DDX50: variants seen among roughly 807,000 people sequenced by gnomAD.
DDX50 encodes the protein ATP-dependent RNA helicase DDX50.
In DDX50, 56 loss-of-function variants were observed where a neutral mutation model predicts 94.8. The ratio of observed to expected loss-of-function variants is 0.59; its 90% CI spans 0.48 to 0.74. The LOEUF is 0.74. DDX50 is among the 30% of genes least tolerant of loss of function. DDX50 has a pLI of 0.00. For synonymous variants in DDX50, 264 were observed against 295.4 expected, an observed-to-expected ratio of 0.89 and a Z score of 1.09; for missense variants, 713 against 881.2, an observed-to-expected ratio of 0.81 and a Z score of 2.42.
chr10:68,943,379 T>C lies in DDX50; in HGVS notation c.1935+122T>C, dbSNP rs575786559. On this transcript the variant is annotated intron_variant, in intron 14 of 14. Coordinates refer to ENST00000373585, the MANE Select transcript of DDX50 (RefSeq NM_024045.2). ...CCTAAATCAATGAGGAATTCCTTAA[T>C]ATAAAATAACCAGTCTGTCTCAAAC... 3.8e-6 allele frequency: 3 copies of C among 791,206 alleles called. No homozygotes were observed. The African/African-American group carries it at 5.3e-5, about 14-fold the overall frequency. 49.0% of individuals were successfully genotyped at this position (791,206 alleles called of 1,614,324 possible).
At chr10:68,920,639 TTTTC>T (rs1841915609) in intron 8 of DDX50, among the ~76,000 whole-genome samples, 1 of 152,086 alleles carries the variant, frequency 6.6e-6, no homozygotes, top group South Asian at 2.1e-4. Flanking sequence ...CCATGTGTTT[TTTTC>T]TTTCTTAAAA....
At chr10:68,935,192 G>GTCCACCAT (rs5785881) in intron 10 of DDX50, among the ~76,000 whole-genome samples, 1 of 151,922 alleles carries the variant, frequency 6.6e-6, no homozygotes. Flanking sequence ...GTACTTCTTA[G>GTCCACCAT]TGTAAATGGG....
intron 2 of DDX50, among the ~76,000 whole-genome samples, chr10:68,909,254 T>C (rs982903610): frequency 6.6e-6 from 1 of 152,232 alleles, no homozygotes. Context: ...AAATTGTTAG[T>C]GTGTGTTTCT....
chr10:68,934,797 A>G lies in DDX50; in HGVS notation c.1402-2A>G. ...AAAAATATTACCTTTTATAATCTTT[A>G]GGATGTTGAGTCCTATATCCATCGC... On this transcript the variant is annotated splice_acceptor_variant, in intron 9 of 14. Transcript: ENST00000373585. LOFTEE classifies it high-confidence loss of function. This position sits in a 1 kb window ranked among gnomAD's most constrained non-coding sequence, Gnocchi z 4.0. 1 of 1,586,698 alleles carries G rather than the reference A, an allele frequency of 6.3e-7. No homozygotes were observed. The highest frequency in any genetic ancestry group is 8.5e-7 in the Non-Finnish European group (1 of 1,171,454).
intron 10 of DDX50, 129 bp downstream of exon 10, chr10:68,935,047 C>G (rs1310560602): frequency 8.6e-7 from 1 of 1,159,044 alleles, no homozygotes; most frequent in Admixed American, 2.9e-5. Context: ...GGCTGTGAAG[C>G]CTGTGGAGAT....
chr10:68,920,803 G>A (rs781337140), intron 8 of DDX50, among the ~76,000 whole-genome samples: 45 of 151,508 alleles, frequency 3.0e-4, no homozygotes, highest in African/African-American at 6.8e-4. Flanking sequence ...AAAATTAGCC[G>A]GTGTGGTGGT....
intron 8 of DDX50, among the ~76,000 whole-genome samples, chr10:68,923,867 C>A (rs548301376): frequency 1.3e-5 from 2 of 148,570 alleles, no homozygotes; most frequent in East Asian, 4.1e-4. Context: ...TGAGTTCATT[C>A]ACAATGGTAT....
chr10:68,915,058 A>C (rs1841744134), intron 7 of DDX50, among the ~76,000 whole-genome samples: 1 of 149,908 alleles, frequency 6.7e-6, no homozygotes, highest in African/African-American at 2.5e-5. Flanking sequence ...CAGAAGAAGA[A>C]TCCATAAAGG....
Position 68,915,714 on chromosome 10 carries a change from C to CA in DDX50, c.1089+1524dup, listed in dbSNP as rs1206127189. Among the ~76,000 whole-genome samples, 199 of 92,120 alleles carry CA rather than the reference C, an allele frequency of 2.2e-3. 1 individual carries two copies. The highest frequency in any genetic ancestry group is 6.8e-3 in the Middle Eastern group (1 of 146). The allele number at this position is 92,120 out of a possible 152,430, so 60.4% of individuals were successfully genotyped here. Reference sequence around the variant, plus strand: ...CTGGAGACAGAGTGAGACAACATCTCAAAAAAAAAAAAAAGAAAAAAGAAC... The same window carrying CA: ...CTGGAGACAGAGTGAGACAACATCTCAAAAAAAAAAAAAAAGAAAAAAGAAC... On this transcript the variant is annotated intron_variant, in intron 7 of 14. Coordinates refer to ENST00000373585, the MANE Select transcript of DDX50 (RefSeq NM_024045.2).
rs1842592745 is a variant in DDX50 at position 68,943,244 on chromosome 10, C to T, written c.1922C>T (p.Ser641Leu). 1 of 1,607,186 alleles carries T rather than the reference C, an allele frequency of 6.2e-7. No homozygotes were observed. Among genetic ancestry groups the T allele is most frequent in the East Asian group, 2.2e-5 (1 of 44,674 alleles). ...TGCTTTGATGTTCCTACAACTGAGTCAGAAAGGTTACAGGTATTTTTAAAA... is the reference window on the plus strand; with the variant it reads ...TGCTTTGATGTTCCTACAACTGAGTTAGAAAGGTTACAGGTATTTTTAAAA... ...GVCFDVPTTE[S>L]ERLQAEWHDS... Residue 641 changes from serine (S) to leucine (L), a missense_variant, in exon 14 of 15, where the codon TCA becomes TTA. Ser to Leu is a moderately radical substitution (Grantham distance 145). This residue lies in a region of DDX50 where 428 missense variants were observed against 602.3 expected (regional missense o/e 0.71). Transcript: ENST00000373585.
At chr10:68,923,200 A>AAT (rs1347791314) in intron 8 of DDX50, among the ~76,000 whole-genome samples, 1 of 129,400 alleles carries the variant, frequency 7.7e-6, no homozygotes, top group African/African-American at 2.9e-5. Context: ...TTATATATTT[A>AAT]ATATATATAA....
At chr10:68,915,545 G>A (rs1461534702) in intron 7 of DDX50, among the ~76,000 whole-genome samples, 6 of 151,848 alleles carry the variant, frequency 4.0e-5, no homozygotes, top group Admixed American at 1.3e-4. Flanking sequence ...GCGATACCTC[G>A]TCTCTATTAA....
At chr10:68,932,025 G>A (rs553127467) in intron 8 of DDX50, among the ~76,000 whole-genome samples, 5 of 152,262 alleles carry the variant, frequency 3.3e-5, no homozygotes, top group African/African-American at 9.6e-5. Flanking sequence ...AAACAAGACT[G>A]AGTTAGATTT....
intron 7 of DDX50, among the ~76,000 whole-genome samples, chr10:68,915,695 A>G (rs947815488): frequency 6.6e-5 from 10 of 151,462 alleles, no homozygotes; most frequent in African/African-American, 2.2e-4. Context: ...CAGTCTGGAG[A>G]CAGAGTGAGA....
chr10:68,914,163 C>T lies in DDX50; in HGVS notation c.1048C>T (p.Leu350Phe). The change falls in exon 7 of 15, where the codon CTT (leucine) becomes TTT (phenylalanine). Residue 350 changes from leucine (L) to phenylalanine (F), a missense_variant. Coordinates refer to ENST00000373585, the MANE Select transcript of DDX50 (RefSeq NM_024045.2). ...YMKSRYEQVDLVGKMTQKAAT... is the reference protein window; with the variant it reads ...YMKSRYEQVDFVGKMTQKAAT... ...GAAATCCAGATATGAACAGGTTGAC[C>T]TTGTTGGAAAAATGACTCAAAAGGC... 1 of 1,610,700 alleles carries T rather than the reference C, an allele frequency of 6.2e-7. No homozygotes were observed. Among genetic ancestry groups the T allele is most frequent in the Non-Finnish European group, 8.5e-7 (1 of 1,178,876 alleles).
intron 3 of DDX50, among the ~76,000 whole-genome samples, 183 bp from the exon 4 acceptor site, chr10:68,910,885 A>T (rs1841606658): frequency 6.6e-6 from 1 of 152,196 alleles, no homozygotes; most frequent in Non-Finnish European, 1.5e-5. Context: ...TAAGATTTAT[A>T]TGCATTCGTC....
intron 1 of DDX50, among the ~76,000 whole-genome samples, chr10:68,905,659 C>T (rs1234403680): frequency 6.6e-6 from 1 of 152,218 alleles, no homozygotes; most frequent in African/African-American, 2.4e-5. Flanking sequence ...CGCCTGTAAT[C>T]CCACCACTTT....
At chr10:68,927,647 G>A (rs1049224264) in intron 8 of DDX50, among the ~76,000 whole-genome samples, 1 of 152,146 alleles carries the variant, frequency 6.6e-6, no homozygotes, top group African/African-American at 2.4e-5. Context: ...TGAAGAAAAA[G>A]TAAATTAAAA....
chr10:68,913,130 G>C (rs1215888328), intron 4 of DDX50, 32 bp from the exon 5 acceptor site: 1 of 1,541,116 alleles, frequency 6.5e-7, no homozygotes, highest in Non-Finnish European at 8.8e-7. Flanking sequence ...CTTTAGAAAA[G>C]TATCTTTTTG....
Sources: gnomAD v4.1 joint callset for allele counts (sites outside exome capture counted in the v4.1 genomes callset) on GRCh38, gnomAD v4.1.1 for gene constraint, gnomAD v4.1.1 regional missense constraint, Gnocchi (gnomAD v3.1) non-coding constraint, MANE v1.5 for transcripts, NCBI Gene and HGNC (gene_info 2026-07-23, HGNC 2026-07-21) for gene names.